Variants in CATSPERB observed in about 807,000 individuals in gnomAD.
CATSPERB encodes the protein catsper channel auxiliary subunit beta, also known as cation channel sperm-associated auxiliary subunit beta.
A neutral mutation model predicts 128.3 loss-of-function variants in CATSPERB; 93 were observed. That is an observed-to-expected ratio of 0.72 (90% CI 0.61 to 0.86). The LOEUF (loss-of-function observed/expected upper bound fraction) is 0.86, where lower values mean the gene tolerates loss of function less well. CATSPERB is among the 40% of genes least tolerant of loss of function. CATSPERB has a pLI of 0.00. For missense variants in CATSPERB, 1,153 were observed against 1,329.5 expected (o/e 0.87, Z 2.06); for synonymous variants, 381 against 448.8 (o/e 0.85, Z 1.91).
chr14:91,629,479 A>G (rs1436353186), intron 17 of CATSPERB, among the ~76,000 whole-genome samples: 1 of 152,176 alleles, frequency 6.6e-6, no homozygotes, highest in East Asian at 1.9e-4. Flanking sequence ...AACCCATTGA[A>G]TTTGCAACAC....
intron 22 of CATSPERB, among the ~76,000 whole-genome samples, chr14:91,599,330 C>T (rs983460024): frequency 7.9e-5 from 12 of 152,000 alleles, no homozygotes; most frequent in African/African-American, 2.2e-4. Context: ...GAGGCCGAGG[C>T]GGGCGGATCA....
intron 26 of CATSPERB, among the ~76,000 whole-genome samples, chr14:91,586,571 A>AGAGAGAGAGAGAGAGAG (rs374162982): frequency 1.4e-4 from 16 of 114,182 alleles, no homozygotes; most frequent in South Asian, 9.6e-4. Context: ...GAGAGAGAGA[A>AGAGAGAGAGAGAGAGAG]AGAGAGAGAG....
chr14:91,694,171 A>G (rs1282575655), intron 7 of CATSPERB, among the ~76,000 whole-genome samples: 2 of 152,174 alleles, frequency 1.3e-5, no homozygotes, highest in Non-Finnish European at 2.9e-5. Flanking sequence ...TGGGCTGGGC[A>G]TGGTGGCTTA....
At chr14:91,603,292 G>A (rs1231401382) in intron 22 of CATSPERB, 6 of 1,384,758 alleles carry the variant, frequency 4.3e-6, no homozygotes, top group Non-Finnish European at 6.2e-6. Flanking sequence ...CCTGTCTTCA[G>A]TGGCACTGGT....
At chr14:91,724,816 A>G (rs941238094) in intron 3 of CATSPERB, among the ~76,000 whole-genome samples, 13 of 152,310 alleles carry the variant, frequency 8.5e-5, no homozygotes, top group African/African-American at 3.1e-4. Flanking sequence ...TCCACTAAAA[A>G]GGGGAGGGAG....
At chr14:91,605,354 AGCTGGACTGG>A in intron 22 of CATSPERB, 1 of 658,032 alleles carries the variant, frequency 1.5e-6, no homozygotes. Context: ...AAAATTTAAG[AGCTGGACTGG>A]AAAAAAGGTT....
Position 91,647,388 on chromosome 14 carries a change from G to C in CATSPERB, c.1433-8138C>G, listed in dbSNP as rs183836043. Among the ~76,000 whole-genome samples the C allele has an allele frequency of 3.7e-4, 57 of 152,254 alleles. 1 individual carries two copies. Among genetic ancestry groups the C allele is most frequent in the African/African-American group, 1.2e-3 (48 of 41,528 alleles). Reference sequence around the variant, plus strand: ...TCTTCATTAGTCCACCAAATTCAAAGTCTAAGTTTGCAGGAATTTGTAAAT... The same window carrying C: ...TCTTCATTAGTCCACCAAATTCAAACTCTAAGTTTGCAGGAATTTGTAAAT... On this transcript the variant is annotated intron_variant, in intron 15 of 26. Coordinates refer to ENST00000256343, the MANE Select transcript of CATSPERB (RefSeq NM_024764.4).
intron 14 of CATSPERB, among the ~76,000 whole-genome samples, chr14:91,668,407 C>T (rs571304612): frequency 4.6e-5 from 7 of 152,142 alleles, no homozygotes; most frequent in Admixed American, 3.3e-4. Flanking sequence ...GGATTGTAAA[C>T]GCACCAATCA....
At chr14:91,689,144 G>C (rs1391421843) in intron 10 of CATSPERB, among the ~76,000 whole-genome samples, 3 of 152,302 alleles carry the variant, frequency 2.0e-5, no homozygotes, top group African/African-American at 7.2e-5. Flanking sequence ...CTCAGGCACA[G>C]GGAGAATGCA....
At chr14:91,617,295 T>A (rs1358499807) in intron 20 of CATSPERB, among the ~76,000 whole-genome samples, 1 of 152,226 alleles carries the variant, frequency 6.6e-6, no homozygotes, top group South Asian at 2.1e-4. Flanking sequence ...CTCAACTTAA[T>A]ATTTTTGTGG....
At chr14:91,692,665 A>G (rs181137116) in intron 9 of CATSPERB, among the ~76,000 whole-genome samples, 1 of 152,226 alleles carries the variant, frequency 6.6e-6, no homozygotes, top group African/African-American at 2.4e-5. Flanking sequence ...GTAATTTTTG[A>G]GAGGTACTTG....
chr14:91,639,248 T>C lies in CATSPERB; in HGVS notation c.1435A>G (p.Met479Val), dbSNP rs767386460. ...RGKVYSTKAG[M>V]GRYSAVGSVT... Reference sequence around the variant, plus strand: ...CTTCCGACTGCACTGTATCTTCCCATTCCTATTAGGAAATACAGAGAAGTG... The same window carrying C: ...CTTCCGACTGCACTGTATCTTCCCACTCCTATTAGGAAATACAGAGAAGTG... Residue 479 changes from methionine to valine, a missense_variant and splice_region_variant, in exon 16 of 27, where the codon ATG becomes GTG. Coordinates refer to ENST00000256343, the MANE Select transcript of CATSPERB (RefSeq NM_024764.4). 62 of 1,612,370 alleles carry C rather than the reference T, an allele frequency of 3.8e-5. No individual in the cohort carries two copies. The highest frequency in any genetic ancestry group is 4.5e-5 in the Non-Finnish European group (53 of 1,179,298).
At chr14:91,713,645 T>C (rs1304510706) in intron 5 of CATSPERB, among the ~76,000 whole-genome samples, 1 of 152,144 alleles carries the variant, frequency 6.6e-6, no homozygotes, top group African/African-American at 2.4e-5. Context: ...ACTTGAATAT[T>C]CCTAAATCTA....
chr14:91,651,584 T>A (rs1448369482), intron 15 of CATSPERB, among the ~76,000 whole-genome samples: 3 of 152,186 alleles, frequency 2.0e-5, no homozygotes, highest in Non-Finnish European at 2.9e-5. Flanking sequence ...GTGGTGGGAT[T>A]CTGGGACTGA....
At chr14:91,594,282 A>T (rs1042127473) in intron 22 of CATSPERB, among the ~76,000 whole-genome samples, 8 of 151,978 alleles carry the variant, frequency 5.3e-5, no homozygotes, top group East Asian at 1.9e-4. Context: ...AACAATGAGA[A>T]CACATGGACA....
At chr14:91,584,643 T>C (rs1266575007) in intron 26 of CATSPERB, among the ~76,000 whole-genome samples, 1 of 152,226 alleles carries the variant, frequency 6.6e-6, no homozygotes, top group African/African-American at 2.4e-5. Flanking sequence ...CTTGATTTTT[T>C]ATTCCTGAAA....
intron 15 of CATSPERB, among the ~76,000 whole-genome samples, chr14:91,652,067 C>A (rs1894711679): frequency 1.3e-5 from 2 of 151,852 alleles, no homozygotes; most frequent in African/African-American, 2.4e-5. Flanking sequence ...AAAGTGCTAA[C>A]CATAAAAGGA....
rs149663627 is a variant in CATSPERB at position 91,596,339 on chromosome 14, G to A, written c.2710-4337C>T. On this transcript the variant is annotated intron_variant, in intron 22 of 26. Transcript: ENST00000256343. ...CTTCCTCAGCCTCCTGAGTAGCTGG[G>A]ACTACAGGCGCCTGCCACCACGCCC... is the stretch of plus-strand genomic sequence containing the variant. Among the ~76,000 whole-genome samples the A allele has an allele frequency of 3.7e-3, 561 of 152,140 alleles. 3 individuals are homozygous for A. Among genetic ancestry groups the A allele is most frequent in the African/African-American group, 0.013 (530 of 41,506 alleles).
At chr14:91,620,358 A>G (rs2139786408) in intron 19 of CATSPERB, among the ~76,000 whole-genome samples, 1 of 152,168 alleles carries the variant, frequency 6.6e-6, no homozygotes, top group East Asian at 1.9e-4. Flanking sequence ...AAGTTGTCTC[A>G]CTGCCTTATG....
Sources: gnomAD v4.1 joint callset for allele counts (sites outside exome capture counted in the v4.1 genomes callset) on GRCh38, gnomAD v4.1.1 for gene constraint, MANE v1.5 for transcripts, NCBI Gene and HGNC (gene_info 2026-07-23, HGNC 2026-07-21) for gene names.